Variants in XKR9 observed in about 807,000 individuals in gnomAD.
XKR9 encodes XK-related protein 9.
XKR9 carries 32 observed loss-of-function variants against 32.0 expected under a neutral mutation model. That is an observed-to-expected ratio of 1.00 (90% CI 0.76 to 1.34). The LOEUF (loss-of-function observed/expected upper bound fraction) is 1.34. Ranked by LOEUF, XKR9 falls within the 40% of genes most tolerant of loss-of-function variation. XKR9 has a pLI of 0.00. For missense variants in XKR9, 546 were observed against 429.7 expected, an observed-to-expected ratio of 1.27 and a Z score of -2.39; for synonymous variants, 168 against 143.4, an observed-to-expected ratio of 1.17 and a Z score of -1.22.
the XKR9 span, among the ~76,000 whole-genome samples, chr8:70,800,573 C>T: frequency 6.6e-6 from 1 of 152,104 alleles, no homozygotes; most frequent in African/African-American, 2.4e-5. Context: ...GAAACCTTTG[C>T]CTCCTGGGCT....
At chr8:70,929,247 G>A in the XKR9 span, among the ~76,000 whole-genome samples, 3 of 152,136 alleles carry the variant, frequency 2.0e-5, no homozygotes, top group African/African-American at 7.2e-5. Context: ...GCAGACACAA[G>A]GGGCTATCGA....
chr8:70,870,901 CTGTT>C, the XKR9 span, among the ~76,000 whole-genome samples: 20 of 152,286 alleles, frequency 1.3e-4, no homozygotes, highest in Middle Eastern at 3.4e-3. Flanking sequence ...AAGGGGGAAA[CTGTT>C]TGTTCACAAC....
downstream of XKR9, among the ~76,000 whole-genome samples, chr8:70,794,829 G>C (rs569094810): frequency 6.6e-6 from 1 of 151,556 alleles, no homozygotes; most frequent in African/African-American, 2.4e-5. Context: ...TCTTTTGTGT[G>C]TGTGTGTGTG....
chr8:70,801,164 A>G, the XKR9 span, among the ~76,000 whole-genome samples: 5 of 151,762 alleles, frequency 3.3e-5, no homozygotes, highest in East Asian at 9.6e-4. Flanking sequence ...ATGGTTTTTC[A>G]TGTCTCAGTT....
chr8:70,915,377 A>G, the XKR9 span, among the ~76,000 whole-genome samples: 3 of 152,222 alleles, frequency 2.0e-5, no homozygotes, highest in East Asian at 3.9e-4. Context: ...AGGGGCTATT[A>G]TCATCTTAGT....
rs1392549061 is a variant in XKR9, at chr8:70,789,559, C to G, written n.475+98C>G. On this transcript the variant is annotated intron_variant and non_coding_transcript_variant, in intron 3 of 3. Coordinates refer to the XKR9 transcript ENST00000520273. ...GAATGAAGTAGAGATGAGGAGGTAACTATTAGCAAAAGGAAATCTGTTTTT... is the reference window on the plus strand; with the variant it reads ...GAATGAAGTAGAGATGAGGAGGTAAGTATTAGCAAAAGGAAATCTGTTTTT... 6 of 152,040 alleles carry G rather than the reference C, an allele frequency of 3.9e-5. No individual in the cohort carries two copies. In the East Asian group the frequency reaches 1.2e-3, roughly 29 times the overall value. 9.4% of individuals were successfully genotyped at this position (152,040 alleles called of 1,614,324 possible).
At chr8:71,019,232 A>G in the XKR9 span, among the ~76,000 whole-genome samples, 1 of 152,146 alleles carries the variant, frequency 6.6e-6, no homozygotes, top group African/African-American at 2.4e-5. Context: ...GTTGGTTAAG[A>G]AACTTGAGGT....
At chr8:71,038,165 G>A in the XKR9 span, among the ~76,000 whole-genome samples, 91 of 152,252 alleles carry the variant, frequency 6.0e-4, 1 homozygote, top group Middle Eastern at 3.4e-3. Flanking sequence ...TTGGTAACAA[G>A]CAGGACAGAA....
the XKR9 span, among the ~76,000 whole-genome samples, chr8:71,058,707 G>T: frequency 6.6e-6 from 1 of 152,172 alleles, no homozygotes; most frequent in African/African-American, 2.4e-5. Flanking sequence ...GAAGATGAAT[G>T]TTTATTTCTT....
chr8:70,977,304 C>A, the XKR9 span, among the ~76,000 whole-genome samples: 1 of 152,054 alleles, frequency 6.6e-6, no homozygotes, highest in African/African-American at 2.4e-5. Flanking sequence ...TTTGCTCTTG[C>A]TTCTCTAGTT....
chr8:70,950,963 C>T, the XKR9 span, among the ~76,000 whole-genome samples: 1 of 152,190 alleles, frequency 6.6e-6, no homozygotes, highest in Non-Finnish European at 1.5e-5. Context: ...AGTGAGCCAC[C>T]GCACCTGGCC....
chr8:70,922,866 A>C, the XKR9 span, among the ~76,000 whole-genome samples: 2 of 152,210 alleles, frequency 1.3e-5, no homozygotes, highest in Admixed American at 1.3e-4. Flanking sequence ...ATGGACTCAC[A>C]CGGACATCAG....
chr8:70,800,982 GT>G, the XKR9 span, among the ~76,000 whole-genome samples: 669 of 127,134 alleles, frequency 5.3e-3, 4 homozygotes, highest in African/African-American at 0.01. Flanking sequence ...GGTCTCTAAG[GT>G]TTTTTTTTTT....
the XKR9 span, among the ~76,000 whole-genome samples, chr8:71,051,557 G>A: frequency 1.3e-4 from 19 of 151,926 alleles, no homozygotes; most frequent in East Asian, 3.5e-3. Context: ...GTGTGTGTAA[G>A]TGAGCAAAAG....
chr8:70,732,208 C>T (rs757417118), intron 4 of XKR9, among the ~76,000 whole-genome samples: 4 of 152,308 alleles, frequency 2.6e-5, no homozygotes, highest in Non-Finnish European at 5.9e-5. Context: ...GGCTACCGAA[C>T]CATTTGGGAG....
chr8:70,673,475 G>A (rs184943293), intron 1 of XKR9, among the ~76,000 whole-genome samples: 186 of 152,278 alleles, frequency 1.2e-3, no homozygotes, highest in African/African-American at 4.3e-3. Flanking sequence ...AGGTAATTGT[G>A]GTATATCCAG....
the XKR9 span, among the ~76,000 whole-genome samples, chr8:70,824,957 T>C: frequency 1.2e-4 from 19 of 152,062 alleles, no homozygotes; most frequent in Non-Finnish European, 2.2e-4. Flanking sequence ...AAGATAGCCT[T>C]CAAGATCTTG....
the XKR9 span, among the ~76,000 whole-genome samples, chr8:70,977,088 A>G: frequency 6.6e-6 from 1 of 151,936 alleles, no homozygotes; most frequent in Non-Finnish European, 1.5e-5. Context: ...TTTTTATTAC[A>G]TCGATTTGAT....
the XKR9 span, among the ~76,000 whole-genome samples, chr8:70,891,100 T>A: frequency 2.0e-5 from 3 of 151,986 alleles, no homozygotes; most frequent in Admixed American, 6.6e-5. Context: ...TGGAATAATC[T>A]CTAATGAGAT....
Sources: gnomAD v4.1 joint callset for allele counts (sites outside exome capture counted in the v4.1 genomes callset) on GRCh38, gnomAD v4.1.1 for gene constraint, MANE v1.5 for transcripts, NCBI Gene and HGNC (gene_info 2026-07-23, HGNC 2026-07-21) for gene names.